PRLR: variants seen among roughly 807,000 people sequenced by gnomAD.
PRLR encodes hPRL receptor.
Under a neutral mutation model 40.2 loss-of-function variants are expected in PRLR, and 13 were observed. The observed-to-expected ratio is 0.32, with a 90% confidence interval of 0.21 to 0.51. The LOEUF (loss-of-function observed/expected upper bound fraction) is 0.51. PRLR is among the 20% of genes least tolerant of loss of function. The pLI is 0.97. For synonymous variants in PRLR, 269 were observed against 278.7 expected, an observed-to-expected ratio of 0.97 and a Z score of 0.35; for missense variants, 656 against 747.3, an observed-to-expected ratio of 0.88 and a Z score of 1.42.
Position 35,060,522 on chromosome 5 carries a change from A to G in PRLR, c.*4567T>C, listed in dbSNP as rs1373776470. ...TTTTACCTAGATCATGAGAGGTCTT[A>G]GAAACCTTTTAGGCCAACCTACTTA... is the stretch of plus-strand genomic sequence containing the variant. On this transcript the variant is annotated 3_prime_UTR_variant, in exon 10 of 10. Transcript: ENST00000618457. The G allele has an allele frequency of 6.6e-6, 1 of 152,226 alleles. No individual in the cohort carries two copies. The highest frequency in any genetic ancestry group is 1.5e-5 in the Non-Finnish European group (1 of 68,038). 9.4% of individuals were successfully genotyped at this position (152,226 alleles called of 1,614,324 possible). A position where few individuals can be genotyped will look rare whatever the true frequency, so the allele number is the denominator to read the frequency against.
chr5:35,212,275 A>G (rs1776189217), intron 1 of PRLR, among the ~76,000 whole-genome samples: 1 of 152,258 alleles, frequency 6.6e-6, no homozygotes, highest in Non-Finnish European at 1.5e-5. Context: ...CAAGTTAAAG[A>G]TACTTCCTGA....
chr5:35,118,012 G>T lies in PRLR; in HGVS notation c.-44+49C>A. 3.3e-6 allele frequency: 3 copies of T among 917,998 alleles called. No individual in the cohort carries two copies. The South Asian group carries it at 1.5e-4, about 46-fold the overall frequency. 56.9% of individuals were successfully genotyped at this position (917,998 alleles called of 1,614,324 possible). A position where few individuals can be genotyped will look rare whatever the true frequency, so the allele number is the denominator to read the frequency against. On this transcript the variant is annotated intron_variant, in intron 2 of 9. Coordinates refer to ENST00000618457, the MANE Select transcript of PRLR (RefSeq NM_000949.7). ...CCTGCCCTGGATGAAACGGACAGTG[G>T]GGCAGATGGGTGGTGTGACCGAGGG...
At chr5:35,224,157 C>T (rs1418207936) in intron 1 of PRLR, among the ~76,000 whole-genome samples, 1 of 152,156 alleles carries the variant, frequency 6.6e-6, no homozygotes, top group Non-Finnish European at 1.5e-5. Context: ...AAGAAAACTG[C>T]CGCCATTTTC....
At chr5:35,210,149 T>G (rs1776132945) in intron 1 of PRLR, among the ~76,000 whole-genome samples, 1 of 152,206 alleles carries the variant, frequency 6.6e-6, no homozygotes, top group East Asian at 1.9e-4. Flanking sequence ...CCTTCCCATT[T>G]TGATCTTAAA....
chr5:35,186,256 G>C (rs1039107305), intron 1 of PRLR, among the ~76,000 whole-genome samples: 3 of 139,504 alleles, frequency 2.2e-5, no homozygotes, highest in Admixed American at 2.1e-4. Context: ...GAATTGCACT[G>C]GTTTCTTTAA....
At chr5:35,147,550 A>T (rs1372097260) in intron 1 of PRLR, among the ~76,000 whole-genome samples, 1 of 152,222 alleles carries the variant, frequency 6.6e-6, no homozygotes, top group Non-Finnish European at 1.5e-5. Flanking sequence ...GGGACTCATG[A>T]TAGCTAAAAG....
At chr5:35,202,452 T>G (rs937296033) in intron 1 of PRLR, among the ~76,000 whole-genome samples, 1 of 152,160 alleles carries the variant, frequency 6.6e-6, no homozygotes. Flanking sequence ...ATATCAGGGA[T>G]GTACAACTTA....
At chr5:35,076,315 G>C (rs955425473) in intron 5 of PRLR, among the ~76,000 whole-genome samples, 14 of 152,226 alleles carry the variant, frequency 9.2e-5, no homozygotes, top group African/African-American at 3.4e-4. Context: ...TAGACAAATG[G>C]CTAACTAGAA....
intron 1 of PRLR, among the ~76,000 whole-genome samples, chr5:35,181,849 G>A (rs1351588665): frequency 6.6e-6 from 1 of 152,130 alleles, no homozygotes; most frequent in African/African-American, 2.4e-5. Flanking sequence ...TGTTTCTCCA[G>A]GTTCTTCTGG....
chr5:35,119,197 C>T (rs781198342), intron 1 of PRLR, among the ~76,000 whole-genome samples: 23 of 152,140 alleles, frequency 1.5e-4, no homozygotes, highest in Non-Finnish European at 2.5e-4. Context: ...AATAATCTAA[C>T]CAGAGTAGCA....
chr5:35,089,466 G>T, intron 3 of PRLR, 85 bp downstream of exon 3: 2 of 873,606 alleles, frequency 2.3e-6, no homozygotes, highest in Non-Finnish European at 3.8e-6. Flanking sequence ...TTTCATAATG[G>T]CATTGCAAGA....
chr5:35,198,560 T>C (rs1283814976), intron 1 of PRLR, among the ~76,000 whole-genome samples: 2 of 152,234 alleles, frequency 1.3e-5, no homozygotes, highest in Non-Finnish European at 2.9e-5. Flanking sequence ...TTGACCTTAG[T>C]TTCTTCGCTC....
chr5:35,076,063 T>C (rs948489365), intron 5 of PRLR, among the ~76,000 whole-genome samples: 8 of 152,066 alleles, frequency 5.3e-5, no homozygotes, highest in African/African-American at 1.7e-4. Context: ...AGACCAAAGG[T>C]AGATAAAACC....
intron 1 of PRLR, among the ~76,000 whole-genome samples, chr5:35,180,674 G>A (rs567822222): frequency 7.2e-5 from 11 of 151,872 alleles, no homozygotes; most frequent in Non-Finnish European, 1.5e-4. Flanking sequence ...CCATGTTGGT[G>A]TGCTGCACCC....
chr5:35,230,136 AG>A (rs1049013288), intron 1 of PRLR, 131 bp downstream of exon 1: 85 of 152,218 alleles, frequency 5.6e-4, no homozygotes, highest in African/African-American at 1.9e-3. Flanking sequence ...CGTTCTCTCC[AG>A]GAGCCCGCGC....
exon 9 of PRLR, chr5:35,049,083 G>A: frequency 1.5e-6 from 1 of 676,704 alleles, no homozygotes; most frequent in South Asian, 1.5e-5. Flanking sequence ...CCCTTTTTGT[G>A]TGGGTTTCCA....
rs1331853926 is a variant in PRLR, at chr5:35,127,480, A to G, written c.-105-9358T>C. Among the ~76,000 whole-genome samples, 3 of 152,210 alleles carry G rather than the reference A, an allele frequency of 2.0e-5. No individual in the cohort carries two copies. The East Asian group carries it at 5.8e-4, about 29-fold the overall frequency. Reference sequence around the variant, plus strand: ...AAGTCATTTTTATTATCAATACTAAATACGCTTAAATCTAAGATATTAAGA... The same window carrying G: ...AAGTCATTTTTATTATCAATACTAAGTACGCTTAAATCTAAGATATTAAGA... On this transcript the variant is annotated intron_variant, in intron 1 of 9. Transcript: ENST00000618457.
Position 35,072,649 on chromosome 5 carries a change from T to G in PRLR, c.469A>C (p.Ile157Leu). Residue 157 changes from isoleucine (I) to leucine (L), a missense_variant, in exon 6 of 10, where the codon ATT becomes CTT. Ile to Leu is a conservative substitution (Grantham distance 5). Coordinates refer to ENST00000618457, the MANE Select transcript of PRLR (RefSeq NM_000949.7). The stretch of plus-strand genomic sequence containing the variant: ...GTGAACCAACCAGTTTTTAAGTCAA[T>G]CAGGGTAGGTGGAGACCATTTAATC... ...LWIKWSPPTL[I>L]DLKTGWFTLL... The G allele has an allele frequency of 6.2e-7, 1 of 1,614,150 alleles. No individual in the cohort carries two copies.
chr5:35,051,713 G>A (rs1768504365), downstream of PRLR, among the ~76,000 whole-genome samples: 2 of 152,006 alleles, frequency 1.3e-5, no homozygotes, highest in African/African-American at 4.8e-5. Context: ...TGAAGGAAGG[G>A]TGCATCAAAT....
Sources: gnomAD v4.1 joint callset for allele counts (sites outside exome capture counted in the v4.1 genomes callset) on GRCh38, gnomAD v4.1.1 for gene constraint, MANE v1.5 for transcripts, NCBI Gene and HGNC (gene_info 2026-07-23, HGNC 2026-07-21) for gene names.